MICU1: variants seen among roughly 807,000 people sequenced by gnomAD.
The protein encoded by MICU1 is mitochondrial calcium uptake 1.
MICU1 carries 45 observed loss-of-function variants against 56.8 expected under a neutral mutation model. That is an observed-to-expected ratio of 0.79 (90% confidence interval 0.62 to 1.02). The LOEUF (loss-of-function observed/expected upper bound fraction) is 1.02. Among genes scored for constraint, MICU1 ranks in the 50% least tolerant of loss-of-function variants. The pLI is 0.00. For synonymous variants in MICU1, 186 were observed against 195.1 expected (o/e 0.95, Z 0.39); for missense variants, 504 against 587.1 (o/e 0.86, Z 1.46).
At chr10:72,539,786 A>G (rs1222130365) in intron 4 of MICU1, among the ~76,000 whole-genome samples, 1 of 152,216 alleles carries the variant, frequency 6.6e-6, no homozygotes, top group Admixed American at 6.5e-5. Flanking sequence ...ATTTACTTTC[A>G]TAAGTTTGTT....
At chr10:72,462,006 C>A (rs1219378026) in intron 8 of MICU1, among the ~76,000 whole-genome samples, 1 of 152,112 alleles carries the variant, frequency 6.6e-6, no homozygotes, top group East Asian at 1.9e-4. Context: ...GGAATCAAAT[C>A]TCAGCTCCAC....
intron 1 of MICU1, among the ~76,000 whole-genome samples, chr10:72,586,339 G>C (rs1468580626): frequency 1.3e-5 from 2 of 151,880 alleles, no homozygotes; most frequent in African/African-American, 2.4e-5. Flanking sequence ...ATGGTTGGTT[G>C]AATCCATGAA....
At chr10:72,588,006 C>T (rs534844997) in intron 1 of MICU1, among the ~76,000 whole-genome samples, 22 of 152,134 alleles carry the variant, frequency 1.4e-4, no homozygotes, top group African/African-American at 5.1e-4. Flanking sequence ...TATGTCCCCA[C>T]CTAAATCTCA....
At chr10:72,623,257 G>C (rs1230733996) in intron 1 of MICU1, among the ~76,000 whole-genome samples, 3 of 110,862 alleles carry the variant, frequency 2.7e-5, no homozygotes, top group African/African-American at 1.0e-4. Flanking sequence ...GGCAACGAGA[G>C]TGAAACTCTG....
At position 72,566,693 on chromosome 10, in the gene MICU1, A is replaced by T. The variant is rs983978554; in HGVS notation, c.101T>A (p.Met34Lys). Residue 34 changes from methionine (M) to lysine (K), a missense_variant, in exon 2 of 12, where the codon ATG becomes AAG. By Grantham distance (95) the Met-to-Lys change is moderately conservative (BLOSUM62 -1). Coordinates refer to ENST00000361114, the MANE Select transcript of MICU1 (RefSeq NM_001195518.2). ...SQPIQIRRRL[M>K]MVAFLGASAV... The stretch of plus-strand genomic sequence containing the variant: ...AGATGCTCCCAGGAAAGCCACCATC[A>T]TTAGTCTTCGCCGGATCTGGATGGG... The T allele has an allele frequency of 1.2e-6, 2 of 1,613,056 alleles. No individual in the cohort carries two copies. The highest frequency in any genetic ancestry group is 2.2e-5 in the South Asian group (2 of 90,766).
chr10:72,551,465 AT>A (rs1393845521), intron 3 of MICU1, 124 bp from the exon 4 acceptor site: 3 of 609,418 alleles, frequency 4.9e-6, no homozygotes, highest in Non-Finnish European at 7.3e-6. Flanking sequence ...AAATTCTATC[AT>A]TTTTTTCTAT....
intron 6 of MICU1, among the ~76,000 whole-genome samples, chr10:72,491,380 G>A (rs10823929): frequency 0.65 from 98,676 of 151,986 alleles, 33,194 homozygotes; most frequent in African/African-American, 0.77. Context: ...TTACCCTTTA[G>A]TTTACCTGCT....
intron 10 of MICU1, among the ~76,000 whole-genome samples, chr10:72,383,079 G>A (rs1353934148): frequency 3.3e-5 from 5 of 151,946 alleles, no homozygotes; most frequent in African/African-American, 4.8e-5. Context: ...TCATCTCTAC[G>A]AAAAATTTTA....
At chr10:72,526,948 A>AG (rs1258992292) in intron 5 of MICU1, among the ~76,000 whole-genome samples, 66 of 140,002 alleles carry the variant, frequency 4.7e-4, no homozygotes, top group African/African-American at 1.6e-3. Flanking sequence ...AAAAAAAAAA[A>AG]AAAAGAAAGC....
At chr10:72,465,928 A>T (rs1226970580) in intron 8 of MICU1, among the ~76,000 whole-genome samples, 2 of 151,972 alleles carry the variant, frequency 1.3e-5, no homozygotes, top group African/African-American at 4.8e-5. Flanking sequence ...AATTAGCATA[A>T]TTTTTTTTCC....
intron 8 of MICU1, among the ~76,000 whole-genome samples, chr10:72,456,849 TTGTG>T (rs56262647): frequency 0.028 from 3,732 of 133,862 alleles, 83 homozygotes; most frequent in East Asian, 0.074. Context: ...CGGGCTCATT[TTGTG>T]TGTGTGTGTG....
chr10:72,568,088 G>A (rs1840490741), intron 1 of MICU1, among the ~76,000 whole-genome samples: 1 of 151,984 alleles, frequency 6.6e-6, no homozygotes, highest in Middle Eastern at 3.2e-3. Flanking sequence ...AACCTAGGAG[G>A]GGAGACTTTG....
intron 5 of MICU1, among the ~76,000 whole-genome samples, 158 bp downstream of exon 5, chr10:72,533,588 G>A (rs1418192980): frequency 6.6e-6 from 1 of 152,162 alleles, no homozygotes; most frequent in East Asian, 1.9e-4. Context: ...GCCTCTTTCT[G>A]TAGAGGTATG....
intron 5 of MICU1, among the ~76,000 whole-genome samples, chr10:72,532,179 A>G (rs1839505252): frequency 6.6e-6 from 1 of 151,838 alleles, no homozygotes; most frequent in Non-Finnish European, 1.5e-5. Context: ...GTAGCTGGGC[A>G]TGGTGGCGGG....
At chr10:72,371,333 G>T (rs576567415) in intron 11 of MICU1, among the ~76,000 whole-genome samples, 1 of 142,206 alleles carries the variant, frequency 7.0e-6, no homozygotes, top group South Asian at 2.2e-4. Flanking sequence ...CTTGCAGTGA[G>T]CCGAGATCGC....
At chr10:72,392,444 G>A (rs1360583506) in intron 10 of MICU1, among the ~76,000 whole-genome samples, 1 of 152,032 alleles carries the variant, frequency 6.6e-6, no homozygotes, top group Non-Finnish European at 1.5e-5. Context: ...GGTGGCATGT[G>A]CCTGTAATCC....
chr10:72,569,798 C>A (rs1385059216), intron 1 of MICU1, among the ~76,000 whole-genome samples: 1 of 152,082 alleles, frequency 6.6e-6, no homozygotes, highest in Non-Finnish European at 1.5e-5. Flanking sequence ...AGTATAGTAC[C>A]TCACTGTTTT....
At chr10:72,589,540 C>T (rs11000362) in intron 1 of MICU1, among the ~76,000 whole-genome samples, 136 of 150,314 alleles carry the variant, frequency 9.0e-4, no homozygotes, top group Non-Finnish European at 1.4e-3. Context: ...CAAGTGCATA[C>T]GAAAAACAAA....
intron 4 of MICU1, 114 bp downstream of exon 4, chr10:72,551,065 C>G: frequency 2.0e-6 from 2 of 1,011,264 alleles, no homozygotes; most frequent in Non-Finnish European, 2.7e-6. Flanking sequence ...AATAGACACA[C>G]TGTTCATATC....
Sources: allele counts gnomAD v4.1 joint callset (sites outside exome capture counted in the v4.1 genomes callset), GRCh38; gene constraint gnomAD v4.1.1; transcripts MANE v1.5; gene names NCBI Gene and HGNC (gene_info 2026-07-23, HGNC 2026-07-21).